Variants in ELAPOR2 observed in about 807,000 individuals in gnomAD.
The protein encoded by ELAPOR2 is endosome-lysosome associated apoptosis and autophagy regulator family member 2, also known as endosome/lysosome-associated apoptosis and autophagy regulator family member 2.
ELAPOR2 carries 89 observed loss-of-function variants against 120.7 expected under a neutral mutation model. That is an observed-to-expected ratio of 0.74 (90% CI 0.62 to 0.88). The LOEUF is 0.88. Ranked by LOEUF, ELAPOR2 falls within the 40% of genes least tolerant of loss-of-function variation. The pLI is 0.00. For synonymous variants in ELAPOR2, 444 were observed against 444.9 expected, an observed-to-expected ratio of 1.00 and a Z score of 0.03; for missense variants, 1,134 against 1,251.6, an observed-to-expected ratio of 0.91 and a Z score of 1.42.
rs1461081329 is a variant in ELAPOR2, at chr7:87,059,555, T to TTCCCGGGGTGCGGCGGCAGCTCCGGC, written c.-68_-43dup. On this transcript the variant is annotated 5_prime_UTR_variant, in exon 1 of 22. Transcript: ENST00000450689. ...TCGGCGGGCCGGCGGCAAGGCAGCC[T>TTCCCGGGGTGCGGCGGCAGCTCCGGC]TCCCGGGGTGCGGCGGCAGCTCCGG... is the stretch of plus-strand genomic sequence containing the variant. The TTCCCGGGGTGCGGCGGCAGCTCCGGC allele has an allele frequency of 8.6e-7, 1 of 1,158,996 alleles. No homozygotes were observed. The highest frequency in any genetic ancestry group is 4.7e-5 in the Admixed American group (1 of 21,208). The allele number at this position is 1,158,996 out of a possible 1,614,324, so 71.8% of individuals were successfully genotyped here.
chr7:86,926,682 T>A, intron 9 of ELAPOR2, 54 bp downstream of exon 9: 9 of 1,489,424 alleles, frequency 6.0e-6, no homozygotes, highest in Non-Finnish European at 8.2e-6. Flanking sequence ...GTCACAGTAG[T>A]CCAACAAGAT....
intron 2 of ELAPOR2, among the ~76,000 whole-genome samples, chr7:86,959,385 G>A (rs966749933): frequency 3.9e-5 from 6 of 152,160 alleles, no homozygotes; most frequent in African/African-American, 1.4e-4. Flanking sequence ...AGGTGAACGG[G>A]ATCCTTGCCT....
chr7:86,931,387 A>T (rs1259456557), intron 8 of ELAPOR2, among the ~76,000 whole-genome samples: 4 of 151,936 alleles, frequency 2.6e-5, no homozygotes, highest in African/African-American at 7.2e-5. Context: ...AAGATATCAA[A>T]TCTCTGTAAG....
intron 1 of ELAPOR2, among the ~76,000 whole-genome samples, chr7:87,028,554 T>C (rs965131388): frequency 2.6e-5 from 4 of 152,094 alleles, no homozygotes; most frequent in Admixed American, 6.6e-5. Flanking sequence ...ACAAAATATA[T>C]AAAAAATCCA....
At chr7:86,944,215 G>A (rs1268445340) in intron 4 of ELAPOR2, among the ~76,000 whole-genome samples, 1 of 152,082 alleles carries the variant, frequency 6.6e-6, no homozygotes, top group Non-Finnish European at 1.5e-5. Context: ...AAGCATTTGT[G>A]TCATGATAAA....
intron 8 of ELAPOR2, among the ~76,000 whole-genome samples, 155 bp from the exon 9 acceptor site, chr7:86,927,071 A>T (rs1790106217): frequency 6.6e-6 from 1 of 151,994 alleles, no homozygotes; most frequent in Admixed American, 6.6e-5. Flanking sequence ...GAGAGAAAAG[A>T]GAGAACATTG....
At chr7:87,004,827 AC>A (rs1793422607) in intron 1 of ELAPOR2, among the ~76,000 whole-genome samples, 2 of 152,170 alleles carry the variant, frequency 1.3e-5, no homozygotes, top group Admixed American at 1.3e-4. Context: ...AAAATGATCT[AC>A]AACTTTAAGT....
At chr7:87,056,522 G>A (rs977249126) in intron 1 of ELAPOR2, among the ~76,000 whole-genome samples, 3 of 152,038 alleles carry the variant, frequency 2.0e-5, no homozygotes, top group Non-Finnish European at 2.9e-5. Flanking sequence ...CCAAATGATC[G>A]CTTCCTGTTT....
chr7:87,040,139 G>C (rs914789937), intron 1 of ELAPOR2, among the ~76,000 whole-genome samples: 20 of 152,258 alleles, frequency 1.3e-4, no homozygotes, highest in African/African-American at 4.6e-4. Context: ...GAGTCTCGCT[G>C]ATTGCTAGCA....
intron 2 of ELAPOR2, among the ~76,000 whole-genome samples, chr7:86,951,001 T>C (rs746661188): frequency 3.9e-5 from 6 of 152,264 alleles, no homozygotes; most frequent in Non-Finnish European, 7.3e-5. Flanking sequence ...CAATGGTCTA[T>C]GGATCTTCTA....
chr7:86,909,252 A>G (rs1198999911), intron 16 of ELAPOR2, among the ~76,000 whole-genome samples: 1 of 152,060 alleles, frequency 6.6e-6, no homozygotes, highest in East Asian at 1.9e-4. Context: ...TTAAAACCAC[A>G]GATTCCTAAG....
At chr7:87,031,084 C>A (rs1466157589) in intron 1 of ELAPOR2, among the ~76,000 whole-genome samples, 1 of 152,126 alleles carries the variant, frequency 6.6e-6, no homozygotes, top group Non-Finnish European at 1.5e-5. Context: ...AATTATCTCC[C>A]ACCTGGTCCC....
chr7:86,923,082 C>A (rs1371177807), intron 10 of ELAPOR2, among the ~76,000 whole-genome samples: 1 of 151,846 alleles, frequency 6.6e-6, no homozygotes, highest in Non-Finnish European at 1.5e-5. Context: ...ACTATATAAT[C>A]TATTTCCTGT....
At chr7:86,997,532 TA>T (rs1230669164) in intron 1 of ELAPOR2, among the ~76,000 whole-genome samples, 1 of 152,158 alleles carries the variant, frequency 6.6e-6, no homozygotes, top group African/African-American at 2.4e-5. Context: ...CTCCATACTT[TA>T]AAAAAATTTA....
At chr7:86,944,586 A>T (rs1301250130) in intron 4 of ELAPOR2, among the ~76,000 whole-genome samples, 1 of 152,178 alleles carries the variant, frequency 6.6e-6, no homozygotes, top group Non-Finnish European at 1.5e-5. Flanking sequence ...TAATGTAAAC[A>T]TGAATCTTGG....
At chr7:87,016,105 C>T (rs1271550226) in intron 1 of ELAPOR2, among the ~76,000 whole-genome samples, 1 of 152,056 alleles carries the variant, frequency 6.6e-6, no homozygotes, top group Non-Finnish European at 1.5e-5. Flanking sequence ...TACTTGAAAG[C>T]AAACAGAAAA....
chr7:86,881,640 G>A (rs1339939945), intron 21 of ELAPOR2, among the ~76,000 whole-genome samples: 2 of 152,098 alleles, frequency 1.3e-5, no homozygotes, highest in East Asian at 1.9e-4. Flanking sequence ...ACAGGCATGA[G>A]CCACTGCGCC....
intron 1 of ELAPOR2, among the ~76,000 whole-genome samples, chr7:87,040,409 C>T (rs553053973): frequency 1.3e-4 from 19 of 151,938 alleles, no homozygotes; most frequent in Non-Finnish European, 2.4e-4. Context: ...TCTCCCAGCA[C>T]GCAGCTGGAG....
Position 86,898,034 on chromosome 7 carries a change from T to C in ELAPOR2, c.2559-402A>G, listed in dbSNP as rs567759577. ...TGAAAACATATCTCCACACAAAAAC[T>C]GGTACATCAATGTTTATAGCAGCAT... On this transcript the variant is annotated intron_variant, in intron 18 of 21. Transcript: ENST00000450689. Among the ~76,000 whole-genome samples, 6 of 152,166 alleles carry C rather than the reference T, an allele frequency of 3.9e-5. No individual in the cohort carries two copies. The South Asian group carries it at 1.2e-3, about 32-fold the overall frequency.
Sources: gnomAD v4.1 joint callset for allele counts (sites outside exome capture counted in the v4.1 genomes callset) on GRCh38, gnomAD v4.1.1 for gene constraint, MANE v1.5 for transcripts, NCBI Gene and HGNC (gene_info 2026-07-23, HGNC 2026-07-21) for gene names.